TMEM132D: variants seen among roughly 807,000 people sequenced by gnomAD.
The protein encoded by TMEM132D is transmembrane protein 132D.
In TMEM132D, 21 loss-of-function variants were observed where a neutral mutation model predicts 62.3. The observed-to-expected ratio is 0.34, with a 90% CI of 0.24 to 0.49. The LOEUF (loss-of-function observed/expected upper bound fraction) is 0.49, where lower values mean the gene tolerates loss of function less well. Among genes scored for constraint, TMEM132D ranks in the 20% least tolerant of loss-of-function variants. The probability of loss-of-function intolerance (pLI) is 0.99; values close to 1 mark genes in which losing one functional copy is unlikely to be tolerated. For synonymous variants in TMEM132D, 621 were observed against 575.6 expected (o/e 1.08, Z -1.13); for missense variants, 1,346 against 1,402.8 (o/e 0.96, Z 0.65).
At chr12:129,162,195 T>C (rs1877418477) in intron 5 of TMEM132D, among the ~76,000 whole-genome samples, 1 of 152,162 alleles carries the variant, frequency 6.6e-6, no homozygotes, top group Non-Finnish European at 1.5e-5. Context: ...CTGATAGGAC[T>C]GATGTCCTTA....
chr12:129,130,055 T>TGTGTG (rs1555231641), intron 5 of TMEM132D, among the ~76,000 whole-genome samples: 5 of 41,598 alleles, frequency 1.2e-4, no homozygotes, highest in African/African-American at 3.7e-4. Context: ...GTGTGTGTGT[T>TGTGTG]TATTTATGCA....
At chr12:129,824,447 C>T (rs1244172133) in intron 1 of TMEM132D, among the ~76,000 whole-genome samples, 1 of 152,146 alleles carries the variant, frequency 6.6e-6, no homozygotes, top group East Asian at 1.9e-4. Flanking sequence ...CCTCCCCCGC[C>T]CCCAGAATTC....
intron 1 of TMEM132D, among the ~76,000 whole-genome samples, chr12:129,833,227 T>G (rs1271955399): frequency 6.6e-6 from 1 of 152,222 alleles, no homozygotes; most frequent in African/African-American, 2.4e-5. Flanking sequence ...AATGCAGGCC[T>G]CAAGTAAGCT....
At position 129,598,187 on chromosome 12, in the gene TMEM132D, A is replaced by C. The variant is rs528294254; in HGVS notation, c.969-66982T>G. On this transcript the variant is annotated intron_variant, in intron 2 of 8. Coordinates refer to ENST00000422113, the MANE Select transcript of TMEM132D (RefSeq NM_133448.3). ...TCTTATAAAATTCAGAAGTGTTTTCACACATTACATCTTCCATGAGGAAAA... is the reference window on the plus strand; with the variant it reads ...TCTTATAAAATTCAGAAGTGTTTTCCCACATTACATCTTCCATGAGGAAAA... 2.0e-5 allele frequency among the ~76,000 whole-genome samples: 3 copies of C among 152,358 alleles called. No individual in the cohort carries two copies. The East Asian group carries it at 5.8e-4, about 29-fold the overall frequency.
intron 1 of TMEM132D, among the ~76,000 whole-genome samples, chr12:129,883,704 C>T (rs940333065): frequency 3.9e-5 from 6 of 152,116 alleles, no homozygotes; most frequent in Admixed American, 3.9e-4. Flanking sequence ...GACAGAGACA[C>T]ACATGGGGGA....
intron 2 of TMEM132D, among the ~76,000 whole-genome samples, chr12:129,568,465 TCTGA>T (rs767152315): frequency 5.3e-5 from 8 of 152,232 alleles, no homozygotes; most frequent in Non-Finnish European, 8.8e-5. Context: ...CAATTTTCTG[TCTGA>T]CTGTCTCTTG....
chr12:129,599,882 A>T (rs1273833733), intron 2 of TMEM132D, among the ~76,000 whole-genome samples: 3 of 152,002 alleles, frequency 2.0e-5, no homozygotes, highest in South Asian at 2.1e-4. Context: ...TCAAGACCTA[A>T]TTTTTTTTGC....
intron 3 of TMEM132D, among the ~76,000 whole-genome samples, chr12:129,347,685 G>A (rs1044306457): frequency 2.6e-5 from 4 of 152,094 alleles, no homozygotes; most frequent in Non-Finnish European, 5.9e-5. Flanking sequence ...AAAAGCAATG[G>A]CAACAAAAGA....
At chr12:129,084,751 C>G (rs374290617) in intron 5 of TMEM132D, 49 bp from the exon 6 acceptor site, 4 of 1,582,004 alleles carry the variant, frequency 2.5e-6, no homozygotes, top group Non-Finnish European at 3.5e-6. Context: ...AGCTTTCATC[C>G]CGTTGCATGG....
chr12:129,811,497 C>A (rs925370028), intron 1 of TMEM132D, among the ~76,000 whole-genome samples: 1 of 151,768 alleles, frequency 6.6e-6, no homozygotes, highest in African/African-American at 2.4e-5. Flanking sequence ...AGTTCCTTCA[C>A]CCCATCTTTA....
chr12:129,627,275 T>G (rs551743747), intron 2 of TMEM132D, among the ~76,000 whole-genome samples: 1 of 152,334 alleles, frequency 6.6e-6, no homozygotes, highest in East Asian at 1.9e-4. Context: ...AATACCATAT[T>G]TTGACTGTAC....
intron 5 of TMEM132D, among the ~76,000 whole-genome samples, chr12:129,112,853 T>C (rs1189400166): frequency 6.6e-6 from 1 of 152,096 alleles, no homozygotes; most frequent in Non-Finnish European, 1.5e-5. Context: ...GAAAAACCTC[T>C]CTTCCTTGTG....
intron 2 of TMEM132D, among the ~76,000 whole-genome samples, chr12:129,646,082 T>A (rs745784480): frequency 1.2e-4 from 18 of 152,322 alleles, no homozygotes; most frequent in African/African-American, 4.3e-4. Flanking sequence ...ACTTTCTTAA[T>A]AAACTTTTTT....
chr12:129,507,223 T>C (rs1309534680), intron 3 of TMEM132D, among the ~76,000 whole-genome samples: 1 of 152,090 alleles, frequency 6.6e-6, no homozygotes, highest in Non-Finnish European at 1.5e-5. Flanking sequence ...GATGTTGGTG[T>C]GGAAGTGGTG....
At chr12:129,556,065 A>T (rs1877047809) in intron 2 of TMEM132D, among the ~76,000 whole-genome samples, 1 of 152,178 alleles carries the variant, frequency 6.6e-6, no homozygotes, top group Non-Finnish European at 1.5e-5. Context: ...ATGTACATGA[A>T]CTAGACACCA....
rs368349045 is a variant in TMEM132D, at chr12:129,272,815, C to A, written c.1300-63152G>T. ...GCGGCTCACGCCTGTAATCCCAGCA[C>A]TTTGGGAGGCCAAGATGGGCAGGTC... is the stretch of plus-strand genomic sequence containing the variant. On this transcript the variant is annotated intron_variant, in intron 4 of 8. Coordinates refer to ENST00000422113, the MANE Select transcript of TMEM132D (RefSeq NM_133448.3). 2.0e-4 allele frequency among the ~76,000 whole-genome samples: 31 copies of A among 151,842 alleles called. No homozygotes were observed. In the Middle Eastern group the frequency reaches 0.014, roughly 67 times the overall value.
At chr12:129,571,451 A>G (rs1877510904) in intron 2 of TMEM132D, among the ~76,000 whole-genome samples, 1 of 152,138 alleles carries the variant, frequency 6.6e-6, no homozygotes, top group Non-Finnish European at 1.5e-5. Context: ...GCACGTCTAC[A>G]GTCCCAGCTA....
intron 1 of TMEM132D, among the ~76,000 whole-genome samples, chr12:129,872,235 C>T (rs1251976711): frequency 6.6e-6 from 1 of 152,154 alleles, no homozygotes; most frequent in African/African-American, 2.4e-5. Context: ...CTCCTAACAC[C>T]CAATCTCTTT....
intron 5 of TMEM132D, among the ~76,000 whole-genome samples, chr12:129,177,109 G>A (rs962293298): frequency 6.6e-6 from 1 of 152,016 alleles, no homozygotes; most frequent in African/African-American, 2.4e-5. Flanking sequence ...TTTAGAAAAT[G>A]GGGAATTAAC....
Sources: gnomAD v4.1 joint callset for allele counts (sites outside exome capture counted in the v4.1 genomes callset) on GRCh38, gnomAD v4.1.1 for gene constraint, MANE v1.5 for transcripts, NCBI Gene and HGNC (gene_info 2026-07-23, HGNC 2026-07-21) for gene names.